Variants in ZEB1 observed in about 807,000 individuals in gnomAD.
ZEB1 encodes the protein zinc finger E-box binding homeobox 1.
Under a neutral mutation model 84.9 loss-of-function variants are expected in ZEB1, and 21 were observed. The observed-to-expected ratio is 0.25, with a 90% CI of 0.18 to 0.36. ZEB1 has a LOEUF of 0.36. Ranked by LOEUF, ZEB1 falls within the 10% of genes least tolerant of loss-of-function variation. The probability of loss-of-function intolerance (pLI) is 1.00; values close to 1 mark genes in which losing one functional copy is unlikely to be tolerated. For missense variants in ZEB1, 1,104 were observed against 1,330.2 expected, an observed-to-expected ratio of 0.83 and a Z score of 2.65; for synonymous variants, 420 against 471.1, an observed-to-expected ratio of 0.89 and a Z score of 1.41.
intron 1 of ZEB1, among the ~76,000 whole-genome samples, chr10:31,404,136 C>T (rs1437327239): frequency 1.3e-5 from 2 of 151,896 alleles, no homozygotes; most frequent in Non-Finnish European, 2.9e-5. Flanking sequence ...GAACAATGTA[C>T]TTGAAGCAAC....
chr10:31,477,524 G>T (rs2064393948), intron 2 of ZEB1, among the ~76,000 whole-genome samples: 2 of 151,688 alleles, frequency 1.3e-5, no homozygotes, highest in Non-Finnish European at 2.9e-5. Context: ...AGTTCATATG[G>T]ACCAAAAAAA....
At chr10:31,321,425 A>C in intron 1 of ZEB1, 1 of 1,611,454 alleles carries the variant, frequency 6.2e-7, no homozygotes, top group South Asian at 1.1e-5. Context: ...TTGTTATAGC[A>C]AGGAGTGGAG....
At chr10:31,349,065 A>G (rs181869469) in intron 1 of ZEB1, among the ~76,000 whole-genome samples, 1 of 151,778 alleles carries the variant, frequency 6.6e-6, no homozygotes, top group Non-Finnish European at 1.5e-5. Flanking sequence ...TTTGACCAAC[A>G]TTTCCCCACC....
chr10:31,494,256 A>G (rs368134481), intron 2 of ZEB1, among the ~76,000 whole-genome samples: 52 of 152,040 alleles, frequency 3.4e-4, no homozygotes, highest in African/African-American at 1.2e-3. Context: ...TAAACACTTT[A>G]CCAAGAATTT....
Position 31,407,083 on chromosome 10 carries a change from C to CTTAT in ZEB1, c.59-53936_59-53933dup, listed in dbSNP as rs564159333. The stretch of plus-strand genomic sequence containing the variant: ...TTGTTTTTTTGTTTATTTTTAACTT[C>CTTAT]TTATTTATTTATTTATTTATTATTA... On this transcript the variant is annotated intron_variant, in intron 1 of 8. Coordinates refer to ENST00000424869, the MANE Select transcript of ZEB1 (RefSeq NM_001174096.2). Among the ~76,000 whole-genome samples the CTTAT allele has an allele frequency of 8.8e-3, 1,335 of 151,330 alleles. 12 individuals are homozygous for CTTAT. Among genetic ancestry groups the CTTAT allele is most frequent in the African/African-American group, 0.027 (1,097 of 41,244 alleles).
At chr10:31,459,552 TAATAA>T (rs1194400112) in intron 1 of ZEB1, among the ~76,000 whole-genome samples, 1 of 152,110 alleles carries the variant, frequency 6.6e-6, no homozygotes, top group Non-Finnish European at 1.5e-5. Context: ...ATTACTTTTA[TAATAA>T]AATAAGAGAG....
intron 1 of ZEB1, among the ~76,000 whole-genome samples, chr10:31,323,297 T>C (rs1321213384): frequency 1.3e-5 from 2 of 152,112 alleles, no homozygotes; most frequent in Non-Finnish European, 2.9e-5. Context: ...ATATATATTT[T>C]AGATGTTAAA....
At chr10:31,405,653 T>C (rs2052845428) in intron 1 of ZEB1, among the ~76,000 whole-genome samples, 1 of 152,134 alleles carries the variant, frequency 6.6e-6, no homozygotes, top group South Asian at 2.1e-4. Flanking sequence ...TTTTATTTGA[T>C]AGCTATCTAA....
At chr10:31,363,074 T>C in intron 1 of ZEB1, 1 of 1,533,936 alleles carries the variant, frequency 6.5e-7, no homozygotes, top group African/African-American at 1.4e-5. Context: ...CCCGACAGTT[T>C]TCTTTTGTGG....
chr10:31,363,065 C>T, intron 1 of ZEB1: 4 of 1,533,928 alleles, frequency 2.6e-6, no homozygotes, highest in Non-Finnish European at 8.7e-7. Flanking sequence ...AGCGGTGGCC[C>T]CGACAGTTTT....
intron 1 of ZEB1, among the ~76,000 whole-genome samples, chr10:31,347,885 A>T (rs1241308069): frequency 6.6e-6 from 1 of 152,206 alleles, no homozygotes; most frequent in African/African-American, 2.4e-5. Context: ...CAAAGATTTT[A>T]TCAGTTGTAT....
At chr10:31,446,900 G>A (rs537777773) in intron 1 of ZEB1, among the ~76,000 whole-genome samples, 2 of 152,162 alleles carry the variant, frequency 1.3e-5, no homozygotes, top group African/African-American at 4.8e-5. Context: ...TTGATTTGGG[G>A]TGGAGAGTTC....
chr10:31,480,070 A>G (rs1361689756), intron 2 of ZEB1, among the ~76,000 whole-genome samples: 1 of 151,988 alleles, frequency 6.6e-6, no homozygotes. Flanking sequence ...TAAAACATAT[A>G]TAAAACTGAT....
chr10:31,379,721 A>C (rs2047304694), intron 1 of ZEB1, among the ~76,000 whole-genome samples: 1 of 152,030 alleles, frequency 6.6e-6, no homozygotes, highest in Admixed American at 6.6e-5. Flanking sequence ...ATTAAAAAAA[A>C]AAAACCTTAG....
intron 1 of ZEB1, chr10:31,321,292 T>G: frequency 7.2e-7 from 1 of 1,388,176 alleles, no homozygotes; most frequent in Non-Finnish European, 9.4e-7. Context: ...TTTAATATAT[T>G]CGAGCCATCA....
Position 31,319,410 on chromosome 10 carries a change from T to G in ZEB1, c.58+118T>G. On this transcript the variant is annotated intron_variant, in intron 1 of 8. Coordinates refer to ENST00000424869, the MANE Select transcript of ZEB1 (RefSeq NM_001174096.2). The stretch of plus-strand genomic sequence containing the variant: ...GGCAGCCGGGGCAGGGACGGCAAAG[T>G]GGAGTGGGAAAGTAGAAAGTAGTGC... The G allele has an allele frequency of 4.9e-6, 5 of 1,016,814 alleles. No homozygotes were observed. The South Asian group carries it at 7.1e-5, about 14-fold the overall frequency. The allele number at this position is 1,016,814 out of a possible 1,614,324, so 63.0% of individuals were successfully genotyped here.
intron 4 of ZEB1, among the ~76,000 whole-genome samples, chr10:31,506,659 G>A (rs1440036419): frequency 2.0e-5 from 3 of 151,960 alleles, no homozygotes; most frequent in Non-Finnish European, 4.4e-5. Flanking sequence ...ATCTTTACAG[G>A]TGAGATGAAT....
Position 31,457,761 on chromosome 10 carries a change from G to T in ZEB1, c.59-3276G>T, listed in dbSNP as rs182023643. Among the ~76,000 whole-genome samples, 219 of 152,058 alleles carry T rather than the reference G, an allele frequency of 1.4e-3. 1 individual carries two copies. Among genetic ancestry groups the T allele is most frequent in the Non-Finnish European group, 2.7e-3 (183 of 67,964 alleles). Reference sequence around the variant, plus strand: ...AACACCCAGTATCTCTGGTTAAAAAGAACTCAGTAAAAAAATATGAACCAT... The same window carrying T: ...AACACCCAGTATCTCTGGTTAAAAATAACTCAGTAAAAAAATATGAACCAT... On this transcript the variant is annotated intron_variant, in intron 1 of 8. Transcript: ENST00000424869.
At position 31,406,686 on chromosome 10, in the gene ZEB1, C is replaced by CT. The variant is rs1342125106; in HGVS notation, c.59-54348dup. On this transcript the variant is annotated intron_variant, in intron 1 of 8. Coordinates refer to ENST00000424869, the MANE Select transcript of ZEB1 (RefSeq NM_001174096.2). Reference sequence around the variant, plus strand: ...TAGTTTCTTTTGCTGTGCAGAAGCTCTTTAGTTTAATTACATTCATTTGTC... The same window carrying CT: ...TAGTTTCTTTTGCTGTGCAGAAGCTCTTTTAGTTTAATTACATTCATTTGTC... Among the ~76,000 whole-genome samples the CT allele has an allele frequency of 2.6e-5, 4 of 152,228 alleles. 1 individual carries two copies. The highest frequency in any genetic ancestry group is 2.0e-4 in the Admixed American group (3 of 15,288).
Sources: allele counts gnomAD v4.1 joint callset (sites outside exome capture counted in the v4.1 genomes callset), GRCh38; gene constraint gnomAD v4.1.1; transcripts MANE v1.5; gene names NCBI Gene and HGNC (gene_info 2026-07-23, HGNC 2026-07-21).